The following ARMC2 variants were observed in gnomAD, a reference collection of about 807,000 sequenced individuals.
The protein encoded by ARMC2 is armadillo repeat containing 2, also known as armadillo repeat-containing protein 2.
Under a neutral mutation model 90.3 loss-of-function variants are expected in ARMC2, and 67 were observed. The ratio of observed to expected loss-of-function variants is 0.74; its 90% CI spans 0.61 to 0.91. The LOEUF is 0.91. Ranked by LOEUF, ARMC2 falls within the 40% of genes least tolerant of loss-of-function variation. ARMC2 has a pLI of 0.00. For synonymous variants in ARMC2, 393 were observed against 393.0 expected (o/e 1.00, Z 0.00); for missense variants, 920 against 1,030.9 (o/e 0.89, Z 1.47).
At chr6:108,949,011 G>A (rs1195352028) in intron 12 of ARMC2, among the ~76,000 whole-genome samples, 2 of 152,082 alleles carry the variant, frequency 1.3e-5, no homozygotes, top group Non-Finnish European at 2.9e-5. Context: ...GAGGTGAAAC[G>A]GCAAGGCCTA....
rs766776762 is a variant in ARMC2, at chr6:108,961,612, T to C, written c.1956T>C (p.Asn652=). 6.2e-7 allele frequency: 1 copy of C among 1,612,480 alleles called. No homozygotes were observed. The highest frequency in any genetic ancestry group is 8.5e-7 in the Non-Finnish European group (1 of 1,179,424). The change falls in exon 14 of 18, where the codon AAT becomes AAC. Residue 652 remains asparagine, a synonymous_variant. Transcript: ENST00000392644. The stretch of plus-strand genomic sequence containing the variant: ...ATGATTGTGAGGAGCTGGTGATCAA[T>C]GCTACAGCGACAATCAACAATTTAT... ...SLDDCEELVI[N]ATATINNLSY... is the part of the protein sequence containing the mutation.
intron 5 of ARMC2, 67 bp from the exon 6 acceptor site, chr6:108,894,400 C>A: frequency 7.3e-7 from 1 of 1,366,204 alleles, no homozygotes; most frequent in South Asian, 1.3e-5. Context: ...ATATAGCAGA[C>A]TCTTGTCATT....
the ARMC2 span, chr6:108,990,673 T>G: frequency 6.2e-7 from 1 of 1,614,104 alleles, no homozygotes; most frequent in Non-Finnish European, 8.5e-7. Context: ...TGAATATAGT[T>G]CCAAATTGCC....
chr6:108,900,810 A>G (rs777132171), intron 7 of ARMC2, among the ~76,000 whole-genome samples: 30 of 152,258 alleles, frequency 2.0e-4, no homozygotes, highest in Non-Finnish European at 4.3e-4. Context: ...CACCTGCCAG[A>G]TGAGGTGGAG....
chr6:108,950,620 C>G (rs1352883828), intron 12 of ARMC2, among the ~76,000 whole-genome samples: 1 of 152,130 alleles, frequency 6.6e-6, no homozygotes, highest in East Asian at 1.9e-4. Flanking sequence ...CTGGGACCTA[C>G]TTGAGGGTGG....
chr6:108,899,916 C>T (rs1161866543), intron 7 of ARMC2, 124 bp downstream of exon 7: 4 of 722,928 alleles, frequency 5.5e-6, no homozygotes, highest in Middle Eastern at 3.9e-4. Context: ...TTTCTGTGAA[C>T]ATGTTCAAAA....
intron 10 of ARMC2, among the ~76,000 whole-genome samples, chr6:108,916,087 AAAC>A (rs1388767770): frequency 7.9e-5 from 12 of 152,314 alleles, no homozygotes; most frequent in Admixed American, 1.3e-4. Context: ...GAGGAAAAAA[AAAC>A]ACAGTGTTGA....
chr6:108,953,584 C>T (rs1777359515), intron 13 of ARMC2, among the ~76,000 whole-genome samples: 1 of 152,154 alleles, frequency 6.6e-6, no homozygotes, highest in South Asian at 2.1e-4. Flanking sequence ...CTAAAACCCA[C>T]CAAATCGTAC....
intron 10 of ARMC2, among the ~76,000 whole-genome samples, chr6:108,922,042 C>T (rs1460001556): frequency 1.3e-5 from 2 of 152,168 alleles, no homozygotes; most frequent in African/African-American, 2.4e-5. Flanking sequence ...TGGCAGGTTG[C>T]CTTCTAGAGC....
At chr6:109,003,780 C>A in the ARMC2 span, among the ~76,000 whole-genome samples, 1 of 152,168 alleles carries the variant, frequency 6.6e-6, no homozygotes, top group Non-Finnish European at 1.5e-5. Context: ...GCACCAATAG[C>A]AGCCATTTAT....
rs942676609 is a variant in ARMC2 at position 108,848,455 on chromosome 6, C to G, written c.-135C>G. On this transcript the variant is annotated 5_prime_UTR_variant, in exon 1 of 18. Transcript: ENST00000392644. Reference sequence around the variant, plus strand: ...AGCGGCGTCGTGGGGTTACCCCGCCCGCGCCAGCGCTGCATCCCTGGCCGC... The same window carrying G: ...AGCGGCGTCGTGGGGTTACCCCGCCGGCGCCAGCGCTGCATCCCTGGCCGC... The G allele has an allele frequency of 6.6e-6, 1 of 152,326 alleles. No individual in the cohort carries two copies. The highest frequency in any genetic ancestry group is 1.5e-5 in the Non-Finnish European group (1 of 68,104). The allele number at this position is 152,326 out of a possible 1,614,324, so 9.4% of individuals were successfully genotyped here. A position where few individuals can be genotyped will look rare whatever the true frequency, so the allele number is the denominator to read the frequency against.
rs138117617 is a variant in ARMC2, at chr6:108,921,674, A to G, written c.1351-6414A>G. 3.4e-3 allele frequency among the ~76,000 whole-genome samples: 512 copies of G among 152,332 alleles called. 6 individuals carry two copies. Among genetic ancestry groups the G allele is most frequent in the African/African-American group, 0.012 (485 of 41,574 alleles). On this transcript the variant is annotated intron_variant, in intron 10 of 17. Coordinates refer to ENST00000392644, the MANE Select transcript of ARMC2 (RefSeq NM_032131.6). Reference sequence around the variant, plus strand: ...TGTGGCCTCAATTGGGCACAAGTTCAAAGAAATGAATCTGCCTTTATTAAT... The same window carrying G: ...TGTGGCCTCAATTGGGCACAAGTTCGAAGAAATGAATCTGCCTTTATTAAT...
At chr6:108,865,972 G>A (rs559795439) in intron 3 of ARMC2, among the ~76,000 whole-genome samples, 101 of 147,472 alleles carry the variant, frequency 6.8e-4, no homozygotes, top group African/African-American at 2.2e-3. Flanking sequence ...AGCCATGATC[G>A]TACCACTGCA....
the ARMC2 span, among the ~76,000 whole-genome samples, chr6:109,040,327 G>A: frequency 6.7e-6 from 1 of 149,714 alleles, no homozygotes; most frequent in Non-Finnish European, 1.5e-5. Flanking sequence ...AAAGTATTAC[G>A]ACTGAGGATT....
At chr6:108,976,292 T>C (rs576108425), downstream of ARMC2, among the ~76,000 whole-genome samples, 309 of 152,314 alleles carry the variant, frequency 2.0e-3, 2 homozygotes, top group African/African-American at 7.2e-3. Context: ...TTTTGTCAGG[T>C]TTGTCAAGGA....
At chr6:108,876,437 G>A (rs1046039017) in intron 5 of ARMC2, 87 bp downstream of exon 5, 11 of 1,405,486 alleles carry the variant, frequency 7.8e-6, no homozygotes, top group Non-Finnish European at 8.7e-6. Context: ...TGATTGGTTT[G>A]CTTTTTCTCT....
At chr6:108,896,894 A>G (rs925001316) in intron 6 of ARMC2, among the ~76,000 whole-genome samples, 6 of 151,086 alleles carry the variant, frequency 4.0e-5, no homozygotes, top group South Asian at 4.1e-4. Context: ...ATATGTATCA[A>G]TTAAATAACT....
chr6:108,855,102 T>G (rs1347319772), intron 2 of ARMC2, among the ~76,000 whole-genome samples: 1 of 152,206 alleles, frequency 6.6e-6, no homozygotes, highest in Non-Finnish European at 1.5e-5. Context: ...AATATTCCAT[T>G]GTCTGGATGT....
At chr6:108,855,671 C>T (rs1401615120) in intron 2 of ARMC2, among the ~76,000 whole-genome samples, 1 of 152,222 alleles carries the variant, frequency 6.6e-6, no homozygotes, top group Non-Finnish European at 1.5e-5. Flanking sequence ...ATCATTTTGC[C>T]TTCCCACCAG....
Sources: gnomAD v4.1 joint callset for allele counts (sites outside exome capture counted in the v4.1 genomes callset) on GRCh38, gnomAD v4.1.1 for gene constraint, MANE v1.5 for transcripts, NCBI Gene and HGNC (gene_info 2026-07-23, HGNC 2026-07-21) for gene names.